The following MFAP4 variants were observed in gnomAD, a reference collection of about 807,000 sequenced individuals.
MFAP4 encodes microfibril-associated glycoprotein 4.
A neutral mutation model predicts 32.4 loss-of-function variants in MFAP4; 20 were observed. The observed-to-expected ratio is 0.62, with a 90% CI of 0.43 to 0.90. The LOEUF is 0.90. Among genes scored for constraint, MFAP4 ranks in the 40% least tolerant of loss-of-function variants. The pLI is 0.00. For missense variants in MFAP4, 267 were observed against 329.5 expected (o/e 0.81, Z 1.47); for synonymous variants, 146 against 137.4 (o/e 1.06, Z -0.44).
intron 4 of MFAP4, 33 bp downstream of exon 4, chr17:19,385,325 G>T (rs1440377091): frequency 1.9e-6 from 3 of 1,614,180 alleles, no homozygotes; most frequent in Non-Finnish European, 1.7e-6. Context: ...TGGCCCTGGG[G>T]CAGCCCCTCA....
At chr17:19,385,686 C>G (rs899809369) in intron 3 of MFAP4, among the ~76,000 whole-genome samples, 1 of 152,194 alleles carries the variant, frequency 6.6e-6, no homozygotes, top group Non-Finnish European at 1.5e-5. Flanking sequence ...TACCCAGTTT[C>G]GTATAGAGGC....
At chr17:19,386,717 A>G in intron 2 of MFAP4, 43 bp downstream of exon 2, 1 of 1,547,026 alleles carries the variant, frequency 6.5e-7, no homozygotes, top group Admixed American at 2.0e-5. Context: ...CTTCTTGCAC[A>G]ACCTGTGGGC....
chr17:19,383,528 T>G lies in MFAP4; in HGVS notation c.*934A>C. 1 of 211,300 alleles carries G rather than the reference T, an allele frequency of 4.7e-6. No homozygotes were observed. The highest frequency in any genetic ancestry group is 9.3e-6 in the Non-Finnish European group (1 of 107,742). The allele number at this position is 211,300 out of a possible 1,614,324, so 13.1% of individuals were successfully genotyped here. Reference sequence around the variant, plus strand: ...AAAATGAGGCCTGTGAAATACAAGGTTCCCTTCTGCACCTGACTCCAGGTG... The same window carrying G: ...AAAATGAGGCCTGTGAAATACAAGGGTCCCTTCTGCACCTGACTCCAGGTG... On this transcript the variant is annotated 3_prime_UTR_variant, in exon 6 of 6. Transcript: ENST00000299610.
rs544532095 is a variant in MFAP4, at chr17:19,384,780, A to G, written c.521-71T>C. The G allele has an allele frequency of 3.0e-5, 48 of 1,589,532 alleles. No individual in the cohort carries two copies. In the African/African-American group the frequency reaches 4.6e-4, roughly 15 times the overall value. On this transcript the variant is annotated intron_variant, in intron 5 of 5. Transcript: ENST00000299610. ...GCCCCGAGCTGGCCGGGAGAGGGTG[A>G]CAATGACGACTGTGAGAGATATCAC... is the stretch of plus-strand genomic sequence containing the variant.
At chr17:19,386,551 G>C in intron 2 of MFAP4, 87 bp from the exon 3 acceptor site, 2 of 1,459,780 alleles carry the variant, frequency 1.4e-6, no homozygotes, top group East Asian at 4.6e-5. Context: ...CTCAGTCCCT[G>C]GGGCTGGGGG....
Position 19,384,441 on chromosome 17 carries a change from G to T in MFAP4, c.*21C>A, listed in dbSNP as rs1912945693. The T allele has an allele frequency of 5.8e-6, 9 of 1,553,982 alleles. No homozygotes were observed. The highest frequency in any genetic ancestry group is 3.5e-5 in the South Asian group (3 of 84,818). On this transcript the variant is annotated 3_prime_UTR_variant, in exon 6 of 6. Coordinates refer to ENST00000299610, the MANE Select transcript of MFAP4 (RefSeq NM_002404.3). The stretch of plus-strand genomic sequence containing the variant: ...ACCATGGGTGTCCAGGGGAGGAAAG[G>T]TGCCTGAGGGGGCCAGCCCTTCAGG...
Position 19,384,314 on chromosome 17 carries a change from G to T in MFAP4, c.*148C>A. On this transcript the variant is annotated 3_prime_UTR_variant, in exon 6 of 6. Coordinates refer to ENST00000299610, the MANE Select transcript of MFAP4 (RefSeq NM_002404.3). ...ATGGATGCCCTGGGTGTGTGACAGG[G>T]ATGTGGCATGGCTGAGAGCCACAAG... is the stretch of plus-strand genomic sequence containing the variant. The T allele has an allele frequency of 2.1e-6, 2 of 957,872 alleles. No homozygotes were observed. Among genetic ancestry groups the T allele is most frequent in the Non-Finnish European group, 3.0e-6 (2 of 657,672 alleles). The allele number at this position is 957,872 out of a possible 1,614,324, so 59.3% of individuals were successfully genotyped here. A position where few individuals can be genotyped will look rare whatever the true frequency, so the allele number is the denominator to read the frequency against.
In MFAP4 at chr17:19,385,727, A is replaced by G. The variant is rs546939144; in HGVS notation, c.241-273T>C. Among the ~76,000 whole-genome samples the G allele has an allele frequency of 1.7e-4, 26 of 152,352 alleles. No individual in the cohort carries two copies. In the South Asian group the frequency reaches 5.4e-3, roughly 32 times the overall value. Reference sequence around the variant, plus strand: ...AGAGGCTAAGAGGGAGGCGTTCTAGAGTTCGAGTGCCTAGCTGTGGGATCT... The same window carrying G: ...AGAGGCTAAGAGGGAGGCGTTCTAGGGTTCGAGTGCCTAGCTGTGGGATCT... On this transcript the variant is annotated intron_variant, in intron 3 of 5. Transcript: ENST00000299610.
Position 19,386,795 on chromosome 17 carries a change from G to A in MFAP4, c.50C>T (p.Pro17Leu), listed in dbSNP as rs200408500. 6.8e-4 allele frequency: 1,073 copies of A among 1,577,612 alleles called. 2 individuals are homozygous for A. Among genetic ancestry groups the A allele is most frequent in the South Asian group, 1.1e-3 (98 of 86,004 alleles). The part of the protein sequence containing the change: ...LPLLLLLSTP[P>L]CAPQVSGIRG... ...GATCCCGGAGACCTGGGGGGCACAC[G>A]GGGGCGTGGAGAGAAGCAGCAGCAG... Residue 17 changes from proline (P) to leucine (L), a missense_variant, in exon 2 of 6, where the codon CCG becomes CTG. This residue lies in a region of MFAP4 where 223 missense variants were observed against 253.3 expected (regional missense o/e 0.88). Transcript: ENST00000299610.
At position 19,386,705 on chromosome 17, in the gene MFAP4, CTCT is replaced by C. The variant is rs1381263852; in HGVS notation, c.85+52_85+54del. ...TGACAGTCTGTTCTGACAGTCCAGC[CTCT>C]TCTTGCACAACCTGTGGGCCAGGCC... On this transcript the variant is annotated intron_variant, in intron 2 of 5. Transcript: ENST00000299610. The C allele has an allele frequency of 6.5e-6, 10 of 1,533,612 alleles. No homozygotes were observed. The East Asian group carries it at 7.3e-5, about 11-fold the overall frequency.
At chr17:19,386,952 T>C (rs2152296116) in intron 1 of MFAP4, 114 bp from the exon 2 acceptor site, 1 of 1,422,488 alleles carries the variant, frequency 7.0e-7, no homozygotes, top group Middle Eastern at 1.7e-4. Context: ...TGAATCCCTC[T>C]CCTGCTATTT....
intron 1 of MFAP4, 138 bp from the exon 2 acceptor site, chr17:19,386,976 T>TCC: frequency 6.8e-6 from 4 of 590,546 alleles, no homozygotes; most frequent in African/African-American, 2.4e-5. Flanking sequence ...CCCTCTTCCC[T>TCC]GCCCCCCCAC....
Position 19,386,367 on chromosome 17 carries a change from G to C in MFAP4, c.183C>G (p.Gly61=). 6.2e-7 allele frequency: 1 copy of C among 1,613,848 alleles called. No individual in the cohort carries two copies. Among genetic ancestry groups the C allele is most frequent in the Non-Finnish European group, 8.5e-7 (1 of 1,179,912 alleles). The change falls in exon 3 of 6, where the codon GGC becomes GGG. Residue 61 remains glycine (G), a synonymous_variant. Transcript: ENST00000299610. ...AGAAGACGGGCACAGGCACACTGGG[G>C]CCCGAGGGGTAGATGAGGTACACGC... ...SDGVYLIYPS[G]PSVPVPVFCD... is the part of the protein sequence containing the mutation.
chr17:19,385,719 C>T (rs1029904585), intron 3 of MFAP4, among the ~76,000 whole-genome samples: 2 of 152,204 alleles, frequency 1.3e-5, no homozygotes, highest in African/African-American at 2.4e-5. Context: ...AAGAGGGAGG[C>T]GTTCTAGAGT....
chr17:19,384,564 T>A lies in MFAP4; in HGVS notation c.666A>T (p.Leu222=). 6.2e-7 allele frequency: 1 copy of A among 1,614,098 alleles called. No homozygotes were observed. The highest frequency in any genetic ancestry group is 8.5e-7 in the Non-Finnish European group (1 of 1,179,994). The part of the protein sequence containing the change: ...CHFANLNGFY[L]GGSHLSYANG... ...TGGCATAAGAGAGGTGGGAGCCACC[T>A]AGGTAGAAGCCATTGAGGTTGGCAA... Residue 222 remains leucine, a synonymous_variant, in exon 6 of 6, where the codon CTA becomes CTT. Transcript: ENST00000299610.
In MFAP4 at chr17:19,386,370, C is replaced by T. The variant is rs763698546; in HGVS notation, c.180G>A (p.Ser60=). Residue 60 remains serine, a synonymous_variant, in exon 3 of 6, where the codon TCG becomes TCA. Transcript: ENST00000299610. ...AGACGGGCACAGGCACACTGGGGCC[C>T]GAGGGGTAGATGAGGTACACGCCGT... ...QSDGVYLIYP[S]GPSVPVPVFC... The T allele has an allele frequency of 6.6e-5, 107 of 1,613,718 alleles. 1 individual carries two copies. The highest frequency in any genetic ancestry group is 2.1e-4 in the South Asian group (19 of 91,006).
rs1913033745 is a variant in MFAP4 at position 19,386,376 on chromosome 17, GT to G, written c.173del (p.Tyr58SerfsTer15). 1 of 1,613,988 alleles carries G rather than the reference GT, an allele frequency of 6.2e-7. No homozygotes were observed. The highest frequency in any genetic ancestry group is 8.5e-7 in the Non-Finnish European group (1 of 1,179,966). ...GCACAGGCACACTGGGGCCCGAGGGGTAGATGAGGTACACGCCGTCTGACTG... is the reference window on the plus strand; with the variant it reads ...GCACAGGCACACTGGGGCCCGAGGGGAGATGAGGTACACGCCGTCTGACTG... Reference protein sequence around the residue: ...GYQSDGVYLIYPSGPSVPVPV... With the variant: ...GYQSDGVYLIXPSGPSVPVPV... On this transcript the variant is annotated frameshift_variant, in exon 3 of 6. Transcript: ENST00000299610. LOFTEE classifies it high-confidence loss of function.
At position 19,386,819 on chromosome 17, in the gene MFAP4, A is replaced by G. The variant is rs1032481995; in HGVS notation, c.26T>C (p.Leu9Pro). 74 of 1,567,968 alleles carry G rather than the reference A, an allele frequency of 4.7e-5. No individual in the cohort carries two copies. Among genetic ancestry groups the G allele is most frequent in the Non-Finnish European group, 6.0e-5 (69 of 1,156,680 alleles). Residue 9 changes from leucine to proline, a missense_variant, in exon 2 of 6, where the codon CTG (leucine) becomes CCG (proline). Coordinates refer to ENST00000299610, the MANE Select transcript of MFAP4 (RefSeq NM_002404.3). MKALLALPLLLLLSTPPCA... is the reference protein window; with the variant it reads MKALLALPPLLLLSTPPCA... ...CGGGGGCGTGGAGAGAAGCAGCAGC[A>G]GCGGCAGGGCCAGGAGTGCCTGGCG...
Position 19,385,460 on chromosome 17 carries a change from G to C in MFAP4, c.241-6C>G. On this transcript the variant is annotated splice_polypyrimidine_tract_variant and splice_region_variant and intron_variant, in intron 3 of 5. Coordinates refer to ENST00000299610, the MANE Select transcript of MFAP4 (RefSeq NM_002404.3). ...TTGAATCTCTTCTGGAAAACCTGGA[G>C]CAGAGAAGATGAGACTGGATCATCA... The C allele has an allele frequency of 6.2e-7, 1 of 1,614,012 alleles. No individual in the cohort carries two copies.
Sources: allele counts gnomAD v4.1 joint callset (sites outside exome capture counted in the v4.1 genomes callset), GRCh38; gene constraint gnomAD v4.1.1; regional missense constraint gnomAD v4.1.1; transcripts MANE v1.5; gene names NCBI Gene and HGNC (gene_info 2026-07-23, HGNC 2026-07-21).